The following TTC39B variants were observed in gnomAD, a reference collection of about 807,000 sequenced individuals.
The protein encoded by TTC39B is tetratricopeptide repeat domain 39B, also known as tetratricopeptide repeat protein 39B.
A neutral mutation model predicts 96.6 loss-of-function variants in TTC39B; 92 were observed. The observed-to-expected ratio is 0.95, with a 90% CI of 0.80 to 1.13. TTC39B has a LOEUF of 1.13. Among genes scored for constraint, TTC39B ranks in the 50% most tolerant of loss-of-function variants. The pLI is 0.00. For missense variants in TTC39B, 955 were observed against 809.3 expected, an observed-to-expected ratio of 1.18 and a Z score of -2.18; for synonymous variants, 367 against 299.4, an observed-to-expected ratio of 1.23 and a Z score of -2.33.
chr9:15,285,218 G>A (rs988233628), intron 1 of TTC39B, among the ~76,000 whole-genome samples: 10 of 150,802 alleles, frequency 6.6e-5, no homozygotes, highest in South Asian at 4.2e-4. Flanking sequence ...GCAGTGAGCC[G>A]AGATCACGCC....
intron 1 of TTC39B, among the ~76,000 whole-genome samples, chr9:15,301,990 T>G (rs1824606461): frequency 6.6e-6 from 1 of 152,176 alleles, no homozygotes; most frequent in South Asian, 2.1e-4. Context: ...CTTTTTTAAT[T>G]CAATAACAGG....
chr9:15,228,199 C>T (rs746309106), intron 2 of TTC39B, among the ~76,000 whole-genome samples: 14 of 152,146 alleles, frequency 9.2e-5, no homozygotes, highest in Non-Finnish European at 1.0e-4. Flanking sequence ...CACGCTGGCT[C>T]ATGCCTGTAA....
chr9:15,244,760 C>T (rs1419799439), intron 2 of TTC39B, among the ~76,000 whole-genome samples: 2 of 152,152 alleles, frequency 1.3e-5, no homozygotes, highest in Non-Finnish European at 2.9e-5. Context: ...CATCGCTCCA[C>T]GTTGGAATGC....
chr9:15,178,264 T>C (rs905982861), intron 17 of TTC39B, among the ~76,000 whole-genome samples: 1 of 152,066 alleles, frequency 6.6e-6, no homozygotes, highest in Non-Finnish European at 1.5e-5. Flanking sequence ...CTAAATAAAA[T>C]ACAATGAAAT....
At chr9:15,238,458 G>A (rs551945152) in intron 2 of TTC39B, among the ~76,000 whole-genome samples, 11 of 152,202 alleles carry the variant, frequency 7.2e-5, no homozygotes, top group African/African-American at 1.9e-4. Flanking sequence ...CAAAATCAAC[G>A]TACAAAAATC....
chr9:15,278,788 T>A (rs551106478), intron 1 of TTC39B, among the ~76,000 whole-genome samples: 1 of 152,348 alleles, frequency 6.6e-6, no homozygotes, highest in African/African-American at 2.4e-5. Flanking sequence ...TATTTCTAAT[T>A]CACAAATACT....
At chr9:15,173,362 A>G (rs1402603337) in intron 19 of TTC39B, among the ~76,000 whole-genome samples, 1 of 152,264 alleles carries the variant, frequency 6.6e-6, no homozygotes, top group East Asian at 1.9e-4. Flanking sequence ...CTTTTGCCCC[A>G]TTACGATGTT....
At chr9:15,181,031 G>A (rs1403029306) in intron 17 of TTC39B, among the ~76,000 whole-genome samples, 1 of 152,146 alleles carries the variant, frequency 6.6e-6, no homozygotes, top group Admixed American at 6.5e-5. Context: ...AATGGGTGGA[G>A]GAGAGTGACT....
intron 3 of TTC39B, among the ~76,000 whole-genome samples, chr9:15,222,763 T>C (rs1820917292): frequency 6.6e-6 from 1 of 152,212 alleles, no homozygotes; most frequent in South Asian, 2.1e-4. Context: ...GTTCCTTTAA[T>C]TCTAAGGCCC....
At position 15,207,714 on chromosome 9, in the gene TTC39B, G is replaced by A. The variant is rs574952099; in HGVS notation, c.691+2374C>T. On this transcript the variant is annotated intron_variant, in intron 6 of 19. Transcript: ENST00000512701. Reference sequence around the variant, plus strand: ...AAATGGAGGATTATCAGCTGGGCACGGTGGCTCACACCTGTAATCCCAGTA... The same window carrying A: ...AAATGGAGGATTATCAGCTGGGCACAGTGGCTCACACCTGTAATCCCAGTA... Among the ~76,000 whole-genome samples the A allele has an allele frequency of 1.2e-3, 184 of 152,118 alleles. 1 individual carries two copies. The highest frequency in any genetic ancestry group is 2.1e-3 in the Non-Finnish European group (142 of 68,018).
chr9:15,292,253 G>C (rs1434205977), intron 1 of TTC39B, among the ~76,000 whole-genome samples: 1 of 152,116 alleles, frequency 6.6e-6, no homozygotes, highest in Non-Finnish European at 1.5e-5. Context: ...GTCAATGATG[G>C]ACCACATACA....
chr9:15,281,068 G>A (rs997117551), intron 1 of TTC39B, among the ~76,000 whole-genome samples: 2 of 151,260 alleles, frequency 1.3e-5, no homozygotes, highest in African/African-American at 2.4e-5. Context: ...TTCTGGAAGA[G>A]GTACATCCCA....
intron 1 of TTC39B, among the ~76,000 whole-genome samples, chr9:15,298,629 CT>C (rs372027691): frequency 5.3e-4 from 81 of 152,282 alleles, no homozygotes; most frequent in African/African-American, 1.9e-3. Context: ...TTACCTCCTA[CT>C]GGGTCCCACC....
At chr9:15,278,264 T>C (rs2131577077) in intron 1 of TTC39B, among the ~76,000 whole-genome samples, 1 of 152,316 alleles carries the variant, frequency 6.6e-6, no homozygotes, top group Non-Finnish European at 1.5e-5. Context: ...GCCATTATCA[T>C]AGAATACTCA....
intron 8 of TTC39B, among the ~76,000 whole-genome samples, chr9:15,198,300 T>C (rs1419358902): frequency 6.6e-6 from 1 of 151,754 alleles, no homozygotes; most frequent in South Asian, 2.1e-4. Context: ...TTACTAAAAA[T>C]ACAAAAATTA....
At chr9:15,171,512 A>C (rs761967661) in exon 20 of TTC39B, 1 of 152,556 alleles carries the variant, frequency 6.6e-6, no homozygotes, top group Non-Finnish European at 1.5e-5. Flanking sequence ...ATCCGTGTTC[A>C]TGTTCTCAGA....
intron 13 of TTC39B, 118 bp downstream of exon 13, chr9:15,189,456 T>C: frequency 9.9e-7 from 1 of 1,005,872 alleles, no homozygotes; most frequent in Non-Finnish European, 1.4e-6. Flanking sequence ...TTTTTTTCTT[T>C]ATTTTTGTCT....
chr9:15,204,374 C>T (rs922461952), intron 6 of TTC39B, among the ~76,000 whole-genome samples: 8 of 151,860 alleles, frequency 5.3e-5, no homozygotes, highest in African/African-American at 1.9e-4. Flanking sequence ...ACTAAAAATA[C>T]AAAAATTAGC....
rs1303337865 is a variant in TTC39B, at chr9:15,247,851, G to A, written c.275+20063C>T. 4.7e-4 allele frequency among the ~76,000 whole-genome samples: 65 copies of A among 138,230 alleles called. 3 individuals carry two copies. In the East Asian group the frequency reaches 5.8e-3, roughly 12 times the overall value. The allele number at this position is 138,230 out of a possible 152,430, so 90.7% of individuals were successfully genotyped here. On this transcript the variant is annotated intron_variant, in intron 2 of 19. Transcript: ENST00000512701. Reference sequence around the variant, plus strand: ...TAGGAGAAAAAAGAAGAAGAAAAAGGAAAAAAAAAAAACGAGGGGGCTCCC... The same window carrying A: ...TAGGAGAAAAAAGAAGAAGAAAAAGAAAAAAAAAAAAACGAGGGGGCTCCC...
Sources: allele counts gnomAD v4.1 joint callset (sites outside exome capture counted in the v4.1 genomes callset), GRCh38; gene constraint gnomAD v4.1.1; transcripts MANE v1.5; gene names NCBI Gene and HGNC (gene_info 2026-07-23, HGNC 2026-07-21).